GRM5: variants seen among roughly 807,000 people sequenced by gnomAD.
GRM5 encodes the protein glutamate metabotropic receptor 5.
A neutral mutation model predicts 83.1 loss-of-function variants in GRM5; 19 were observed. The ratio of observed to expected loss-of-function variants is 0.23; its 90% CI spans 0.16 to 0.34. The LOEUF is 0.34. GRM5 is among the 10% of genes least tolerant of loss of function. The pLI is 1.00. For missense variants in GRM5, 1,160 were observed against 1,588.3 expected (o/e 0.73, Z 4.58); for synonymous variants, 675 against 633.6 (o/e 1.07, Z -0.98).
intron 2 of GRM5, chr11:89,009,172 A>G: frequency 1.5e-6 from 1 of 673,022 alleles, no homozygotes; most frequent in Non-Finnish European, 2.7e-6. Context: ...TAAGTGTATA[A>G]ATGAATAAAT....
chr11:88,884,576 T>G (rs866167159), intron 2 of GRM5, among the ~76,000 whole-genome samples: 9 of 152,108 alleles, frequency 5.9e-5, no homozygotes, highest in African/African-American at 2.2e-4. Context: ...GACATGAGAC[T>G]TGGGAGGGGT....
chr11:88,954,544 G>T (rs1331137836), intron 2 of GRM5, among the ~76,000 whole-genome samples: 1 of 152,198 alleles, frequency 6.6e-6, no homozygotes. Context: ...CTGCTCAATA[G>T]AACTTTCTGC....
intron 4 of GRM5, among the ~76,000 whole-genome samples, chr11:88,642,867 A>G (rs1362336308): frequency 6.6e-6 from 1 of 152,132 alleles, no homozygotes; most frequent in Non-Finnish European, 1.5e-5. Context: ...CATTTTGGTC[A>G]CTAACATTTA....
intron 2 of GRM5, among the ~76,000 whole-genome samples, chr11:88,871,859 T>A (rs1168347659): frequency 6.6e-6 from 1 of 150,574 alleles, no homozygotes; most frequent in Admixed American, 6.6e-5. Flanking sequence ...TGTAATCCCA[T>A]AACAAAAAGG....
chr11:88,982,987 A>G (rs1235784625), intron 2 of GRM5, among the ~76,000 whole-genome samples: 1 of 152,096 alleles, frequency 6.6e-6, no homozygotes, highest in African/African-American at 2.4e-5. Context: ...AATTGCTTGA[A>G]CCTGGGAGGC....
chr11:88,921,602 C>T (rs1241415511), intron 2 of GRM5, among the ~76,000 whole-genome samples: 2 of 150,228 alleles, frequency 1.3e-5, no homozygotes, highest in African/African-American at 4.9e-5. Flanking sequence ...TGCACTCCAG[C>T]CTGGGAGACA....
chr11:89,000,171 T>C (rs1411699787), intron 2 of GRM5, among the ~76,000 whole-genome samples: 3 of 152,034 alleles, frequency 2.0e-5, no homozygotes, highest in Non-Finnish European at 4.4e-5. Context: ...CACACCAACA[T>C]GGCACATGTA....
intron 2 of GRM5, among the ~76,000 whole-genome samples, chr11:89,005,793 G>T (rs536620092): frequency 3.9e-5 from 6 of 152,252 alleles, no homozygotes; most frequent in African/African-American, 1.2e-4. Context: ...TTGAGGGCTT[G>T]ATTTAAATGG....
intron 7 of GRM5, among the ~76,000 whole-genome samples, chr11:88,585,793 C>T (rs1457222300): frequency 2.6e-5 from 4 of 152,104 alleles, no homozygotes; most frequent in African/African-American, 9.7e-5. Context: ...GGGCAGGGAT[C>T]CTCTTTATCC....
intron 3 of GRM5, among the ~76,000 whole-genome samples, chr11:88,670,321 A>T (rs767585880): frequency 2.6e-5 from 4 of 152,038 alleles, no homozygotes; most frequent in Non-Finnish European, 5.9e-5. Context: ...AGATATTTTC[A>T]CCATAGAATA....
At chr11:88,899,244 T>G (rs942252752) in intron 2 of GRM5, among the ~76,000 whole-genome samples, 1 of 151,900 alleles carries the variant, frequency 6.6e-6, no homozygotes, top group African/African-American at 2.4e-5. Context: ...GAACATTCCA[T>G]CAAGCAGAGG....
intron 1 of GRM5, among the ~76,000 whole-genome samples, chr11:89,052,971 A>C (rs890051032): frequency 1.3e-5 from 2 of 152,266 alleles, no homozygotes; most frequent in African/African-American, 4.8e-5. Context: ...ATTTATGTCT[A>C]TGCCTGTTGA....
At chr11:89,011,991 A>T (rs1346606343) in intron 2 of GRM5, among the ~76,000 whole-genome samples, 2 of 152,218 alleles carry the variant, frequency 1.3e-5, no homozygotes, top group African/African-American at 4.8e-5. Context: ...TCCATTAACT[A>T]TCAAGTTACA....
intron 3 of GRM5, among the ~76,000 whole-genome samples, chr11:88,689,976 T>C (rs985829846): frequency 1.7e-4 from 26 of 152,212 alleles, no homozygotes; most frequent in African/African-American, 6.3e-4. Context: ...GACATTGTCA[T>C]AGGTACTGGG....
intron 3 of GRM5, among the ~76,000 whole-genome samples, chr11:88,738,305 G>A (rs982151732): frequency 6.6e-6 from 1 of 152,000 alleles, no homozygotes; most frequent in Non-Finnish European, 1.5e-5. Context: ...GAAAATCAAT[G>A]ATCAGAACCA....
At chr11:88,775,986 G>T (rs1386701724) in intron 3 of GRM5, among the ~76,000 whole-genome samples, 1 of 152,114 alleles carries the variant, frequency 6.6e-6, no homozygotes, top group Non-Finnish European at 1.5e-5. Context: ...TTCAGGTCCT[G>T]GATATCCTTG....
chr11:88,772,433 CTTTA>C (rs550090434), intron 3 of GRM5, among the ~76,000 whole-genome samples: 413 of 151,136 alleles, frequency 2.7e-3, no homozygotes, highest in Non-Finnish European at 4.4e-3. Context: ...CTATCTGGCC[CTTTA>C]TTTATTTTTA....
At chr11:88,714,015 T>C (rs962847242) in intron 3 of GRM5, among the ~76,000 whole-genome samples, 2 of 152,066 alleles carry the variant, frequency 1.3e-5, no homozygotes, top group Admixed American at 1.3e-4. Context: ...AATTAACTTA[T>C]CAAGAATCTT....
At chr11:88,740,387 T>C (rs1325750189) in intron 3 of GRM5, among the ~76,000 whole-genome samples, 1 of 152,118 alleles carries the variant, frequency 6.6e-6, no homozygotes, top group Non-Finnish European at 1.5e-5. Flanking sequence ...GTTCAACTAA[T>C]ATTTTAATAA....
Sources: gnomAD v4.1 joint callset for allele counts (sites outside exome capture counted in the v4.1 genomes callset) on GRCh38, gnomAD v4.1.1 for gene constraint, MANE v1.5 for transcripts, NCBI Gene and HGNC (gene_info 2026-07-23, HGNC 2026-07-21) for gene names.